Variants in ACYP2 observed in about 807,000 individuals in gnomAD.
ACYP2 encodes the protein acylphosphatase-2.
ACYP2 carries 12 observed loss-of-function variants against 11.2 expected under a neutral mutation model. That is an observed-to-expected ratio of 1.08 (90% confidence interval 0.69 to 1.74). The LOEUF is 1.74. Ranked by LOEUF, ACYP2 falls within the 40% of genes most tolerant of loss-of-function variation. ACYP2 has a pLI of 0.00. For synonymous variants in ACYP2, 43 were observed against 32.2 expected, an observed-to-expected ratio of 1.33 and a Z score of -1.13; for missense variants, 134 against 101.9, an observed-to-expected ratio of 1.31 and a Z score of -1.35.
chr2:54,235,335 C>A (rs1301483645), intron 6 of ACYP2, among the ~76,000 whole-genome samples: 2 of 151,628 alleles, frequency 1.3e-5, no homozygotes, highest in African/African-American at 4.8e-5. Context: ...CCTAGACTCA[C>A]AAGTTTTTTT....
intron 2 of ACYP2, among the ~76,000 whole-genome samples, chr2:54,016,422 A>C (rs965584510): frequency 2.0e-5 from 3 of 149,538 alleles, no homozygotes; most frequent in South Asian, 2.1e-4. Flanking sequence ...CTGACCAAGC[A>C]GGAGTTAAGG....
At chr2:54,052,409 G>A (rs1675917192) in intron 3 of ACYP2, among the ~76,000 whole-genome samples, 1 of 152,022 alleles carries the variant, frequency 6.6e-6, no homozygotes, top group Admixed American at 6.6e-5. Flanking sequence ...ACAGTATGGG[G>A]GTTGTAAATT....
At chr2:54,045,244 C>T (rs563584979) in intron 2 of ACYP2, among the ~76,000 whole-genome samples, 15 of 152,188 alleles carry the variant, frequency 9.9e-5, no homozygotes, top group African/African-American at 2.2e-4. Context: ...TCCAGGTCCT[C>T]GCCCTCCACG....
chr2:54,137,333 T>C (rs1322116800), intron 5 of ACYP2, among the ~76,000 whole-genome samples: 1 of 152,166 alleles, frequency 6.6e-6, no homozygotes, highest in Non-Finnish European at 1.5e-5. Context: ...GTTATATAGG[T>C]AAACTCGTGT....
At chr2:54,159,081 A>G (rs1293555967) in intron 6 of ACYP2, among the ~76,000 whole-genome samples, 2 of 152,072 alleles carry the variant, frequency 1.3e-5, no homozygotes, top group East Asian at 3.9e-4. Context: ...ACCATGTGTT[A>G]TAGGTTTACT....
chr2:54,161,077 C>T (rs773706071), intron 6 of ACYP2, among the ~76,000 whole-genome samples: 3 of 152,156 alleles, frequency 2.0e-5, no homozygotes, highest in Admixed American at 6.6e-5. Context: ...AATCCGGAGC[C>T]CAGGGTAAGT....
intron 6 of ACYP2, among the ~76,000 whole-genome samples, chr2:54,170,704 A>G (rs1235401412): frequency 2.6e-5 from 4 of 152,192 alleles, no homozygotes; most frequent in African/African-American, 9.7e-5. Context: ...GACTTCGTAA[A>G]GAACAGGGAT....
At chr2:54,119,049 GTCTTTTTTT>G (rs1356610617) in intron 4 of ACYP2, among the ~76,000 whole-genome samples, 5 of 90,036 alleles carry the variant, frequency 5.6e-5, no homozygotes, top group African/African-American at 1.9e-4. Flanking sequence ...AATCTTAGTA[GTCTTTTTTT>G]TTTTTTTTTT....
intron 6 of ACYP2, among the ~76,000 whole-genome samples, chr2:54,292,121 C>T (rs1420134323): frequency 6.6e-6 from 1 of 152,206 alleles, no homozygotes; most frequent in Non-Finnish European, 1.5e-5. Context: ...AAGCAATCCT[C>T]CTGCCTCGGA....
At chr2:53,986,297 C>G (rs1185577851) in intron 2 of ACYP2, among the ~76,000 whole-genome samples, 2 of 151,918 alleles carry the variant, frequency 1.3e-5, no homozygotes, top group Admixed American at 6.6e-5. Flanking sequence ...GATTCCCGCA[C>G]TATGCTTCCT....
At chr2:54,024,018 A>G (rs1287257989) in intron 2 of ACYP2, among the ~76,000 whole-genome samples, 1 of 152,226 alleles carries the variant, frequency 6.6e-6, no homozygotes, top group Non-Finnish European at 1.5e-5. Flanking sequence ...AATATCCCTG[A>G]TGAACATAGA....
chr2:54,028,232 A>C (rs1456044333), intron 2 of ACYP2, among the ~76,000 whole-genome samples: 1 of 151,916 alleles, frequency 6.6e-6, no homozygotes, highest in African/African-American at 2.4e-5. Flanking sequence ...TTTGAAGACT[A>C]CTCATCAGAT....
At position 54,097,858 on chromosome 2, in the gene ACYP2, C is replaced by A. The variant is rs187361006; in HGVS notation, c.278-37595C>A. ...AACAATTTCTTTTATTTTCTTCTTT[C>A]TTTCTTTCTCTTTCTCTCTCTCTCT... On this transcript the variant is annotated intron_variant, in intron 4 of 6. Coordinates refer to ENST00000607452, the MANE Select transcript of ACYP2 (RefSeq NM_001320586.2). 4.2e-3 allele frequency among the ~76,000 whole-genome samples: 532 copies of A among 126,426 alleles called. 2 individuals are homozygous for A. The highest frequency in any genetic ancestry group is 0.027 in the Middle Eastern group (7 of 264). 82.9% of individuals were successfully genotyped at this position (126,426 alleles called of 152,430 possible).
intron 2 of ACYP2, among the ~76,000 whole-genome samples, chr2:54,045,640 C>T (rs897036298): frequency 1.3e-5 from 2 of 150,252 alleles, no homozygotes; most frequent in African/African-American, 4.9e-5. Context: ...GACGGTGAAA[C>T]CCTGTCTCTA....
intron 6 of ACYP2, among the ~76,000 whole-genome samples, chr2:54,289,800 C>T (rs1310656420): frequency 6.6e-6 from 1 of 151,858 alleles, no homozygotes; most frequent in Admixed American, 6.6e-5. Context: ...TAGCCATTTC[C>T]CTAACAATGA....
intron 6 of ACYP2, chr2:54,255,837 C>G (rs1227171515): frequency 6.2e-7 from 1 of 1,614,004 alleles, no homozygotes; most frequent in South Asian, 1.1e-5. Flanking sequence ...CGTCAGTTGT[C>G]AGCGAGGCAG....
At chr2:54,182,047 ATTTTTTTTT>A (rs35145998) in intron 6 of ACYP2, among the ~76,000 whole-genome samples, 6 of 83,062 alleles carry the variant, frequency 7.2e-5, no homozygotes, top group Non-Finnish European at 1.1e-4. Flanking sequence ...ATAGAAGATA[ATTTTTTTTT>A]TTTTTTTTTT....
chr2:54,015,805 T>C (rs1270709597), intron 2 of ACYP2, among the ~76,000 whole-genome samples: 1 of 152,086 alleles, frequency 6.6e-6, no homozygotes, highest in Non-Finnish European at 1.5e-5. Flanking sequence ...ATCTACTCTG[T>C]AATCTAGAGT....
intron 6 of ACYP2, among the ~76,000 whole-genome samples, chr2:54,251,922 G>A (rs1687243937): frequency 6.6e-6 from 1 of 152,138 alleles, no homozygotes; most frequent in African/African-American, 2.4e-5. Flanking sequence ...TGTATGTACA[G>A]GTGTCACTTG....
Sources: allele counts gnomAD v4.1 joint callset (sites outside exome capture counted in the v4.1 genomes callset), GRCh38; gene constraint gnomAD v4.1.1; transcripts MANE v1.5; gene names NCBI Gene and HGNC (gene_info 2026-07-23, HGNC 2026-07-21).